Variants in XKR5 observed in about 807,000 individuals in gnomAD.
XKR5 encodes XK-related protein 5.
Under a neutral mutation model 40.8 loss-of-function variants are expected in XKR5, and 46 were observed. The observed-to-expected ratio is 1.13, with a 90% confidence interval of 0.89 to 1.44. The LOEUF (loss-of-function observed/expected upper bound fraction) is 1.44. Among genes scored for constraint, XKR5 ranks in the 40% most tolerant of loss-of-function variants. The pLI, the probability that XKR5 is intolerant of heterozygous loss-of-function variation, is 0.00. For synonymous variants in XKR5, 466 were observed against 356.1 expected (o/e 1.31, Z -3.48); for missense variants, 1,169 against 844.7 (o/e 1.38, Z -4.76).
chr8:6,824,933 C>T (rs1804392033), intron 3 of XKR5, among the ~76,000 whole-genome samples: 1 of 152,190 alleles, frequency 6.6e-6, no homozygotes, highest in Non-Finnish European at 1.5e-5. Context: ...CAATTTCTAT[C>T]TTATGGGCTG....
At chr8:6,823,875 A>G in intron 3 of XKR5, 145 bp from the exon 4 acceptor site, 2 of 681,732 alleles carry the variant, frequency 2.9e-6, no homozygotes, top group Non-Finnish European at 5.0e-6. Flanking sequence ...CTAACCCACC[A>G]CTTTGACCAG....
At chr8:6,826,152 T>G (rs986415916) in intron 2 of XKR5, among the ~76,000 whole-genome samples, 1 of 152,204 alleles carries the variant, frequency 6.6e-6, no homozygotes, top group South Asian at 2.1e-4. Flanking sequence ...TGTGTGTATG[T>G]ATCTGCATGT....
At chr8:6,818,837 G>A (rs1054449387) in intron 5 of XKR5, among the ~76,000 whole-genome samples, 1 of 152,202 alleles carries the variant, frequency 6.6e-6, no homozygotes, top group African/African-American at 2.4e-5. Context: ...AGAAACCTCT[G>A]AACCACTGCC....
chr8:6,810,954 T>C lies in XKR5; in HGVS notation c.*244A>G, dbSNP rs1035172281. ...GTAGCAGACAATTTTGACTGGAATC[T>C]CTTTCTCCTCCTCTAAAGTATGTTA... On this transcript the variant is annotated 3_prime_UTR_variant, in exon 7 of 7. Transcript: ENST00000618742. 7 of 364,000 alleles carry C rather than the reference T, an allele frequency of 1.9e-5. No individual in the cohort carries two copies. Among genetic ancestry groups the C allele is most frequent in the Non-Finnish European group, 3.4e-5 (7 of 203,952 alleles). The allele number at this position is 364,000 out of a possible 1,614,324, so 22.5% of individuals were successfully genotyped here. A position where few individuals can be genotyped will look rare whatever the true frequency, so the allele number is the denominator to read the frequency against.
intron 2 of XKR5, among the ~76,000 whole-genome samples, chr8:6,830,859 C>G (rs991096752): frequency 6.6e-6 from 1 of 152,156 alleles, no homozygotes; most frequent in African/African-American, 2.4e-5. Flanking sequence ...ATGGGAAAGA[C>G]AGTGTGGGGT....
chr8:6,812,365 G>T, intron 6 of XKR5, 26 bp from the exon 7 acceptor site: 1 of 1,513,648 alleles, frequency 6.6e-7, no homozygotes, highest in Non-Finnish European at 8.8e-7. Context: ...AAGACCACAA[G>T]GTTATGTTCT....
Position 6,835,450 on chromosome 8 carries a change from G to A in XKR5, c.44C>T (p.Ala15Val), listed in dbSNP as rs562804999. Residue 15 changes from alanine to valine, a missense_variant, in exon 1 of 7, where the codon GCC (alanine) becomes GTC (valine). Physicochemically the swap from Ala to Val is moderately conservative, Grantham distance 64. Coordinates refer to ENST00000618742, the MANE Select transcript of XKR5 (RefSeq NM_207411.5). ...GCCGCACTCACGCGCGCTCTGCTCGGCCGCCTGCAGCAGGGCCGAGAGCCC... is the reference window on the plus strand; with the variant it reads ...GCCGCACTCACGCGCGCTCTGCTCGACCGCCTGCAGCAGGGCCGAGAGCCC... ...LLGLSALLQA[A>V]EQSARLYTVA... is the part of the protein sequence containing the mutation. The A allele has an allele frequency of 6.7e-7, 1 of 1,496,872 alleles. No individual in the cohort carries two copies. The highest frequency in any genetic ancestry group is 8.8e-7 in the Non-Finnish European group (1 of 1,130,484). 92.7% of individuals were successfully genotyped at this position (1,496,872 alleles called of 1,614,324 possible).
chr8:6,825,510 C>A (rs983627210), intron 2 of XKR5, among the ~76,000 whole-genome samples, 161 bp from the exon 3 acceptor site: 11 of 151,430 alleles, frequency 7.3e-5, no homozygotes, highest in African/African-American at 2.7e-4. Context: ...TGACTGCAAG[C>A]AGAAGACGTC....
chr8:6,832,485 G>C (rs537754639), intron 2 of XKR5, among the ~76,000 whole-genome samples: 1 of 152,170 alleles, frequency 6.6e-6, no homozygotes, highest in African/African-American at 2.4e-5. Flanking sequence ...AAAGCCTTTC[G>C]TAAGGTCACA....
chr8:6,832,452 A>G (rs902677867), intron 2 of XKR5, among the ~76,000 whole-genome samples: 6 of 152,348 alleles, frequency 3.9e-5, no homozygotes, highest in South Asian at 2.1e-4. Context: ...ACAGCAAGAC[A>G]GGGCTTCATC....
chr8:6,812,129 G>C lies in XKR5; in HGVS notation c.1130C>G (p.Pro377Arg), dbSNP rs1006928288. 1.3e-6 allele frequency: 2 copies of C among 1,549,524 alleles called. No individual in the cohort carries two copies. Among genetic ancestry groups the C allele is most frequent in the East Asian group, 2.4e-5 (1 of 40,920 alleles). The change falls in exon 7 of 7, where the codon CCC becomes CGC. Residue 377 changes from proline (P) to arginine (R), a missense_variant. Transcript: ENST00000618742. ...ASYEPTILGK[P>R]PTPEQVPPEA... Reference sequence around the variant, plus strand: ...TGGGGGGACCTGCTCAGGGGTAGGGGGCTTCCCTAAAATGGTTGGTTCATA... The same window carrying C: ...TGGGGGGACCTGCTCAGGGGTAGGGCGCTTCCCTAAAATGGTTGGTTCATA...
intron 5 of XKR5, among the ~76,000 whole-genome samples, chr8:6,819,168 C>T (rs9772640): frequency 0.014 from 2,149 of 152,322 alleles, 47 homozygotes; most frequent in African/African-American, 0.049. Context: ...CCCTGGGCTA[C>T]GCTGCCCAAG....
chr8:6,828,866 G>T (rs1360421532), intron 2 of XKR5, among the ~76,000 whole-genome samples: 1 of 152,136 alleles, frequency 6.6e-6, no homozygotes, highest in Non-Finnish European at 1.5e-5. Context: ...TCATGGTCCA[G>T]CCCATTTATC....
At chr8:6,819,128 C>T (rs1804100193) in intron 5 of XKR5, among the ~76,000 whole-genome samples, 1 of 152,226 alleles carries the variant, frequency 6.6e-6, no homozygotes, top group Non-Finnish European at 1.5e-5. Context: ...CAGGAATAGG[C>T]TCAACATAGC....
rs533005086 is a variant in XKR5 at position 6,832,646 on chromosome 8, A to G, written c.242+71T>C. 307 of 1,577,880 alleles carry G rather than the reference A, an allele frequency of 1.9e-4. 1 individual carries two copies. In the African/African-American group the frequency reaches 3.8e-3, roughly 20 times the overall value. ...TTATGAGCTTGAGGACAGAATCCAC[A>G]TGGAGAGAAGATTCCTCTCACTGCA... On this transcript the variant is annotated intron_variant, in intron 2 of 6. Coordinates refer to ENST00000618742, the MANE Select transcript of XKR5 (RefSeq NM_207411.5).
At chr8:6,812,658 G>C (rs1451036780) in intron 6 of XKR5, among the ~76,000 whole-genome samples, 1 of 152,206 alleles carries the variant, frequency 6.6e-6, no homozygotes, top group African/African-American at 2.4e-5. Context: ...GCATGTGTGT[G>C]TGCGTGTGTA....
intron 2 of XKR5, among the ~76,000 whole-genome samples, chr8:6,825,792 C>G (rs990562679): frequency 6.6e-6 from 1 of 152,158 alleles, no homozygotes; most frequent in African/African-American, 2.4e-5. Context: ...AGAAAAAACC[C>G]TTGTCTTCAT....
chr8:6,831,595 C>A (rs1470440061), intron 2 of XKR5, among the ~76,000 whole-genome samples: 1 of 152,138 alleles, frequency 6.6e-6, no homozygotes, highest in Admixed American at 6.6e-5. Context: ...AGGCATAAAC[C>A]CCTAGGACAC....
rs972742091 is a variant in XKR5 at position 6,824,699 on chromosome 8, T to C, written c.427+466A>G. Among the ~76,000 whole-genome samples the C allele has an allele frequency of 2.0e-5, 3 of 150,224 alleles. No homozygotes were observed. The East Asian group carries it at 6.1e-4, about 31-fold the overall frequency. On this transcript the variant is annotated intron_variant, in intron 3 of 6. Coordinates refer to ENST00000618742, the MANE Select transcript of XKR5 (RefSeq NM_207411.5). Reference sequence around the variant, plus strand: ...CTGCATGCCACCATGCCTGGCTAATTTTTGTATTTTTTGGTAGAGATGGGT... The same window carrying C: ...CTGCATGCCACCATGCCTGGCTAATCTTTGTATTTTTTGGTAGAGATGGGT...
Sources: allele counts gnomAD v4.1 joint callset (sites outside exome capture counted in the v4.1 genomes callset), GRCh38; gene constraint gnomAD v4.1.1; transcripts MANE v1.5; gene names NCBI Gene and HGNC (gene_info 2026-07-23, HGNC 2026-07-21).